ADCY8: variants seen among roughly 807,000 people sequenced by gnomAD.
ADCY8 encodes adenylate cyclase 8.
In ADCY8, 51 loss-of-function variants were observed where a neutral mutation model predicts 119.7. That is an observed-to-expected ratio of 0.43 (90% CI 0.34 to 0.54). The LOEUF is 0.54. Among genes scored for constraint, ADCY8 ranks in the 20% least tolerant of loss-of-function variants. ADCY8 has a pLI of 0.03. For missense variants in ADCY8, 1,383 were observed against 1,598.8 expected (o/e 0.87, Z 2.30); for synonymous variants, 665 against 651.0 (o/e 1.02, Z -0.33).
intron 14 of ADCY8, among the ~76,000 whole-genome samples, chr8:130,808,377 C>T (rs567859721): frequency 6.6e-6 from 1 of 152,250 alleles, no homozygotes; most frequent in South Asian, 2.1e-4. Context: ...CAATGACTCA[C>T]ATATATAAAA....
At chr8:130,948,834 C>T (rs1302256608) in intron 3 of ADCY8, among the ~76,000 whole-genome samples, 1 of 152,016 alleles carries the variant, frequency 6.6e-6, no homozygotes, top group Non-Finnish European at 1.5e-5. Flanking sequence ...AGGGACCGTC[C>T]TCCTCTGCTT....
intron 5 of ADCY8, among the ~76,000 whole-genome samples, chr8:130,928,012 C>G (rs781030714): frequency 1.3e-5 from 2 of 152,176 alleles, no homozygotes; most frequent in Admixed American, 6.5e-5. Context: ...CTCCTGGTCT[C>G]AAGGACTCCT....
intron 1 of ADCY8, among the ~76,000 whole-genome samples, chr8:131,022,188 T>C (rs1008759380): frequency 6.6e-6 from 1 of 152,196 alleles, no homozygotes; most frequent in Non-Finnish European, 1.5e-5. Context: ...TTTTGCTACA[T>C]AGGTATACAC....
At chr8:130,939,536 GT>G (rs1460799670) in intron 4 of ADCY8, among the ~76,000 whole-genome samples, 1 of 152,146 alleles carries the variant, frequency 6.6e-6, no homozygotes, top group African/African-American at 2.4e-5. Context: ...GGATTGGCCT[GT>G]TGCCTGTTTG....
chr8:130,793,845 G>A (rs1309911660), intron 15 of ADCY8, among the ~76,000 whole-genome samples: 1 of 152,196 alleles, frequency 6.6e-6, no homozygotes, highest in African/African-American at 2.4e-5. Context: ...CTTCTAAAAA[G>A]GGTGTGAATA....
chr8:130,876,854 C>T (rs1312579664), intron 8 of ADCY8, among the ~76,000 whole-genome samples: 2 of 152,132 alleles, frequency 1.3e-5, no homozygotes, highest in Non-Finnish European at 2.9e-5. Context: ...TCTTGAATTT[C>T]AAACTATATG....
chr8:130,948,659 A>C (rs1309379026), intron 3 of ADCY8, among the ~76,000 whole-genome samples: 1 of 141,296 alleles, frequency 7.1e-6, no homozygotes, highest in Admixed American at 6.8e-5. Flanking sequence ...AAAAAAAAAA[A>C]AAAAAAGCCA....
At chr8:130,983,539 C>T (rs533816012) in intron 2 of ADCY8, among the ~76,000 whole-genome samples, 43 of 152,210 alleles carry the variant, frequency 2.8e-4, no homozygotes, top group African/African-American at 9.6e-4. Flanking sequence ...TGCGGGGCAT[C>T]TTTGCTGGGC....
intron 9 of ADCY8, among the ~76,000 whole-genome samples, chr8:130,859,142 C>T (rs916837180): frequency 1.4e-4 from 21 of 152,122 alleles, no homozygotes; most frequent in African/African-American, 4.8e-4. Flanking sequence ...TCCAGGCCCT[C>T]TCCACTGACA....
chr8:131,005,742 C>T (rs941329147), intron 1 of ADCY8, among the ~76,000 whole-genome samples: 4 of 152,180 alleles, frequency 2.6e-5, no homozygotes, highest in Non-Finnish European at 1.5e-5. Flanking sequence ...TATTCCTCTA[C>T]TGTAGAGGAG....
intron 1 of ADCY8, among the ~76,000 whole-genome samples, chr8:131,029,313 C>T (rs970562588): frequency 1.3e-5 from 2 of 152,140 alleles, no homozygotes; most frequent in Admixed American, 6.5e-5. Flanking sequence ...GTAATAATAA[C>T]AGAGATAAAA....
At chr8:130,788,923 G>T (rs1415833313) in intron 15 of ADCY8, among the ~76,000 whole-genome samples, 3 of 152,144 alleles carry the variant, frequency 2.0e-5, no homozygotes, top group Non-Finnish European at 4.4e-5. Flanking sequence ...AGATATTAAA[G>T]AGTACCTATC....
intron 2 of ADCY8, among the ~76,000 whole-genome samples, chr8:130,952,949 G>T (rs748829327): frequency 6.6e-6 from 1 of 152,094 alleles, no homozygotes; most frequent in African/African-American, 2.4e-5. Context: ...GAAGTGAGAC[G>T]CACGCAGCCT....
intron 12 of ADCY8, among the ~76,000 whole-genome samples, chr8:130,824,142 C>A (rs1816601789): frequency 6.6e-6 from 1 of 152,168 alleles, no homozygotes. Context: ...CATTATAGCA[C>A]ATTTGACCCC....
At chr8:131,019,022 A>T (rs1373359375) in intron 1 of ADCY8, among the ~76,000 whole-genome samples, 1 of 152,164 alleles carries the variant, frequency 6.6e-6, no homozygotes, top group Non-Finnish European at 1.5e-5. Flanking sequence ...TGACACTTTC[A>T]TTTTAGCTCA....
At chr8:130,920,709 C>A (rs952021308) in intron 5 of ADCY8, among the ~76,000 whole-genome samples, 1 of 152,138 alleles carries the variant, frequency 6.6e-6, no homozygotes, top group Non-Finnish European at 1.5e-5. Flanking sequence ...TGGTCAAACA[C>A]CAGGCTAGAT....
intron 1 of ADCY8, among the ~76,000 whole-genome samples, chr8:131,016,647 A>G (rs1254264212): frequency 6.6e-6 from 1 of 152,166 alleles, no homozygotes; most frequent in Non-Finnish European, 1.5e-5. Flanking sequence ...TAAGGCCAAG[A>G]TGGTACATTT....
intron 5 of ADCY8, chr8:130,935,603 G>A (rs1450112462): frequency 2.0e-5 from 3 of 152,290 alleles, no homozygotes; most frequent in South Asian, 2.1e-4. Flanking sequence ...CTACTCAACT[G>A]TTTGCAGAAG....
chr8:130,870,925 C>A (rs1222033065), intron 8 of ADCY8, among the ~76,000 whole-genome samples: 2 of 152,002 alleles, frequency 1.3e-5, no homozygotes, highest in Non-Finnish European at 2.9e-5. Flanking sequence ...TAATATAGTT[C>A]ATAAGTTTGG....
Sources: gnomAD v4.1 joint callset for allele counts (sites outside exome capture counted in the v4.1 genomes callset) on GRCh38, gnomAD v4.1.1 for gene constraint, MANE v1.5 for transcripts, NCBI Gene and HGNC (gene_info 2026-07-23, HGNC 2026-07-21) for gene names.